Variants in TBC1D8B observed in about 807,000 individuals in gnomAD.
TBC1D8B encodes the protein TBC1 domain family member 8B, also known as RP11-321G1.1.
TBC1D8B carries 75 observed loss-of-function variants against 82.9 expected under a neutral mutation model. The observed-to-expected ratio is 0.90, with a 90% CI of 0.75 to 1.10. TBC1D8B has a LOEUF of 1.10. Among genes scored for constraint, TBC1D8B ranks in the 50% least tolerant of loss-of-function variants. TBC1D8B has a pLI of 0.00. For synonymous variants in TBC1D8B, 276 were observed against 276.8 expected, an observed-to-expected ratio of 1.00 and a Z score of 0.03; for missense variants, 794 against 796.9, an observed-to-expected ratio of 1.00 and a Z score of 0.04.
chrX:106,868,691 G>A (rs780846053), intron 18 of TBC1D8B, among the ~76,000 whole-genome samples: 9 of 111,965 alleles, frequency 8.0e-5, no homozygotes, highest in Non-Finnish European at 1.5e-4. Flanking sequence ...GCTTATTGGA[G>A]ACTCAATAAT....
intron 13 of TBC1D8B, 135 bp downstream of exon 13, chrX:106,853,785 A>C (rs191927111): frequency 8.3e-5 from 54 of 647,689 alleles, no homozygotes; most frequent in Non-Finnish European, 9.3e-6. Context: ...CTTAACTTTT[A>C]AAATGAGTTC....
At chrX:106,823,775 T>C (rs763377667) in intron 5 of TBC1D8B, among the ~76,000 whole-genome samples, 2 of 112,202 alleles carry the variant, frequency 1.8e-5, no homozygotes, top group East Asian at 5.6e-4. Context: ...TTAGTCTAAC[T>C]CTAAATTTCT....
intron 7 of TBC1D8B, among the ~76,000 whole-genome samples, chrX:106,833,087 T>A (rs1382574488): frequency 1.8e-5 from 2 of 111,280 alleles, no homozygotes; most frequent in Non-Finnish European, 3.8e-5. Context: ...AATTATTGGT[T>A]TTACAGGTCA....
chrX:106,821,605 A>C (rs1324816117), intron 3 of TBC1D8B, among the ~76,000 whole-genome samples: 1 of 111,373 alleles, frequency 9.0e-6, no homozygotes, highest in Non-Finnish European at 1.9e-5. Context: ...CGCTGTAGAT[A>C]CCAAAATTCA....
chrX:106,839,366 C>T lies in TBC1D8B; in HGVS notation c.1262C>T (p.Thr421Ile). 2 of 1,187,603 alleles carry T rather than the reference C, an allele frequency of 1.7e-6. No individual in the cohort carries two copies. The highest frequency in any genetic ancestry group is 2.3e-6 in the Non-Finnish European group (2 of 882,257). ...GATAATTTTGAGGTGCAATCTTTGA[C>T]AAGTCAGAGGGAATGCAGTAAAACT... is the stretch of plus-strand genomic sequence containing the variant. Reference protein sequence around the residue: ...PSDNFEVQSLTSQRECSKTVN... With the variant: ...PSDNFEVQSLISQRECSKTVN... Residue 421 changes from threonine (T) to isoleucine (I), a missense_variant, in exon 8 of 21, where the codon ACA (threonine) becomes ATA (isoleucine). Coordinates refer to ENST00000357242, the MANE Select transcript of TBC1D8B (RefSeq NM_017752.3).
chrX:106,860,340 GGTGTGTGTGT>G lies in TBC1D8B; in HGVS notation c.2353-5182_2353-5173del, dbSNP rs3078333. ...ATCTGGTACTGGGCTTTTTATGATT[GGTGTGTGTGT>G]GTGTGTGTGTGTGTGTGTGTGTGTG... On this transcript the variant is annotated intron_variant, in intron 14 of 20. Coordinates refer to ENST00000357242, the MANE Select transcript of TBC1D8B (RefSeq NM_017752.3). Among the ~76,000 whole-genome samples the G allele has an allele frequency of 3.6e-3, 295 of 82,767 alleles. 1 individual carries two copies. Among genetic ancestry groups the G allele is most frequent in the African/African-American group, 6.7e-3 (155 of 23,289 alleles). The allele number at this position is 82,767 out of a possible 115,157, so 71.9% of individuals were successfully genotyped here.
At position 106,874,122 on chromosome X, in the gene TBC1D8B, G is replaced by A. The variant is rs1027877805; in HGVS notation, c.*157G>A. The A allele has an allele frequency of 6.7e-6, 3 of 445,749 alleles. No individual in the cohort carries two copies. The African/African-American group carries it at 7.6e-5, about 11-fold the overall frequency. The allele number at this position is 445,749 out of a possible 1,213,427, so 36.7% of individuals were successfully genotyped here. A position where few individuals can be genotyped will look rare whatever the true frequency, so the allele number is the denominator to read the frequency against. ...CACAATGCATCATTCCTTTGTTGTT[G>A]ATAATGGGCTTTGTTAGCACTTTTT... On this transcript the variant is annotated 3_prime_UTR_variant, in exon 21 of 21. Transcript: ENST00000357242.
rs1186428332 is a variant in TBC1D8B, at chrX:106,802,900, T to C, written c.47T>C (p.Leu16Pro). 8.3e-7 allele frequency: 1 copy of C among 1,209,310 alleles called. No homozygotes were observed. The highest frequency in any genetic ancestry group is 1.1e-6 in the Non-Finnish European group (1 of 894,938). Residue 16 changes from leucine to proline, a missense_variant, in exon 1 of 21, where the codon CTG becomes CCG. Leu to Pro is a moderately conservative substitution (Grantham distance 98, BLOSUM62 -3). Transcript: ENST00000357242. ...EEVLLKNALKLWLMERSNDYF... is the reference protein window; with the variant it reads ...EEVLLKNALKPWLMERSNDYF... Reference sequence around the variant, plus strand: ...GTGCTTCTGAAAAATGCGCTGAAGCTGTGGCTGATGGAAAGGTCCAACGAC... The same window carrying C: ...GTGCTTCTGAAAAATGCGCTGAAGCCGTGGCTGATGGAAAGGTCCAACGAC...
At chrX:106,844,394 G>C (rs1260639310) in intron 10 of TBC1D8B, among the ~76,000 whole-genome samples, 2 of 107,615 alleles carry the variant, frequency 1.9e-5, no homozygotes, top group Non-Finnish European at 3.8e-5. Flanking sequence ...TTGCTAGTTT[G>C]TTGAGTGTTT....
At chrX:106,842,368 C>T (rs900995484) in intron 10 of TBC1D8B, among the ~76,000 whole-genome samples, 4 of 110,562 alleles carry the variant, frequency 3.6e-5, no homozygotes, top group Non-Finnish European at 5.7e-5. Context: ...ACATGGAGGG[C>T]AGGAGGAAAG....
intron 10 of TBC1D8B, among the ~76,000 whole-genome samples, chrX:106,842,917 G>T (rs1042340679): frequency 4.5e-4 from 50 of 111,100 alleles, no homozygotes; most frequent in African/African-American, 1.6e-3. Context: ...TATGCCTATT[G>T]TGCACATTTT....
rs1310123765 is a variant in TBC1D8B, at chrX:106,875,409, T to C, written c.*1444T>C. 1 of 112,008 alleles carries C rather than the reference T, an allele frequency of 8.9e-6. No homozygotes were observed. Among genetic ancestry groups the C allele is most frequent in the East Asian group, 2.8e-4 (1 of 3,581 alleles). 9.2% of individuals were successfully genotyped at this position (112,008 alleles called of 1,213,427 possible). Reference sequence around the variant, plus strand: ...ATGGGGCTTCATCGCTCATAGAATATGTTATTTTCAAAGAAGTTCAAGAAT... The same window carrying C: ...ATGGGGCTTCATCGCTCATAGAATACGTTATTTTCAAAGAAGTTCAAGAAT... On this transcript the variant is annotated 3_prime_UTR_variant, in exon 21 of 21. Transcript: ENST00000357242.
chrX:106,809,815 C>T (rs1161087407), intron 1 of TBC1D8B, among the ~76,000 whole-genome samples: 2 of 99,489 alleles, frequency 2.0e-5, no homozygotes, highest in East Asian at 3.3e-4. Context: ...ACCCACGAGG[C>T]GGAGGTTGCA....
At chrX:106,814,280 C>G (rs1931468080) in intron 1 of TBC1D8B, 1 of 108,416 alleles carries the variant, frequency 9.2e-6, no homozygotes, top group Non-Finnish European at 1.9e-5. Flanking sequence ...GGCTTGGTTC[C>G]AAGTCTTTGC....
chrX:106,872,036 C>A (rs968794808), intron 20 of TBC1D8B, among the ~76,000 whole-genome samples: 2 of 110,242 alleles, frequency 1.8e-5, no homozygotes, highest in African/African-American at 6.6e-5. Flanking sequence ...ACCCAGTTAT[C>A]TTGGGTTTTT....
Position 106,874,710 on chromosome X carries a change from T to G in TBC1D8B, c.*745T>G. Reference sequence around the variant, plus strand: ...TTTAATCTGGGTAAAATCAGCCTTCTGAGAAGGGCTAAGAAACAGTTCAAT... The same window carrying G: ...TTTAATCTGGGTAAAATCAGCCTTCGGAGAAGGGCTAAGAAACAGTTCAAT... On this transcript the variant is annotated 3_prime_UTR_variant, in exon 21 of 21. Coordinates refer to ENST00000357242, the MANE Select transcript of TBC1D8B (RefSeq NM_017752.3). 1 of 111,733 alleles carries G rather than the reference T, an allele frequency of 8.9e-6. No individual in the cohort carries two copies. The highest frequency in any genetic ancestry group is 2.8e-4 in the East Asian group (1 of 3,587). 9.2% of individuals were successfully genotyped at this position (111,733 alleles called of 1,213,427 possible). A position where few individuals can be genotyped will look rare whatever the true frequency, so the allele number is the denominator to read the frequency against.
At chrX:106,869,434 A>G in intron 18 of TBC1D8B, 51 bp from the exon 19 acceptor site, 1 of 1,086,843 alleles carries the variant, frequency 9.2e-7, no homozygotes, top group Non-Finnish European at 1.3e-6. Flanking sequence ...TTTGCTTTCA[A>G]AGAGTATTTG....
At chrX:106,805,186 T>G (rs1265348669) in intron 1 of TBC1D8B, among the ~76,000 whole-genome samples, 1 of 101,142 alleles carries the variant, frequency 9.9e-6, no homozygotes, top group Admixed American at 1.1e-4. Context: ...ACTCCTGGGC[T>G]CAAGTGATCT....
At chrX:106,831,219 T>C (rs1932039049) in intron 7 of TBC1D8B, among the ~76,000 whole-genome samples, 1 of 111,853 alleles carries the variant, frequency 8.9e-6, no homozygotes, top group Admixed American at 9.5e-5. Flanking sequence ...CTTTTACTGC[T>C]ATCTCCAGAG....
Sources: allele counts gnomAD v4.1 joint callset (sites outside exome capture counted in the v4.1 genomes callset), GRCh38; gene constraint gnomAD v4.1.1; transcripts MANE v1.5; gene names NCBI Gene and HGNC (gene_info 2026-07-23, HGNC 2026-07-21).